The following ATP2B1 variants were observed in gnomAD, a reference collection of about 807,000 sequenced individuals.
ATP2B1 encodes the protein plasma membrane calcium-transporting ATPase 1.
ATP2B1 carries 14 observed loss-of-function variants against 124.2 expected under a neutral mutation model. The observed-to-expected ratio is 0.11, with a 90% CI of 0.07 to 0.18. The LOEUF is 0.18. Among genes scored for constraint, ATP2B1 ranks in the 10% least tolerant of loss-of-function variants. ATP2B1 has a pLI of 1.00. For missense variants in ATP2B1, 763 were observed against 1,466.1 expected (o/e 0.52, Z 7.83); for synonymous variants, 449 against 492.4 (o/e 0.91, Z 1.17).
At chr12:89,659,915 C>CAAAAAAAAAAA (rs1234238576) in intron 1 of ATP2B1, among the ~76,000 whole-genome samples, 2 of 42,446 alleles carry the variant, frequency 4.7e-5, no homozygotes, top group Admixed American at 2.4e-4. Context: ...AAGCGAGACT[C>CAAAAAAAAAAA]AAAAAAAAAA....
At chr12:89,653,283 C>CTT (rs149270069) in intron 2 of ATP2B1, among the ~76,000 whole-genome samples, 39 of 76,110 alleles carry the variant, frequency 5.1e-4, no homozygotes, top group African/African-American at 1.0e-3. Context: ...GAATTTTTTT[C>CTT]TTTTTTTTTT....
chr12:89,616,904 A>G lies in ATP2B1; in HGVS notation c.1965T>C (p.Phe655=). Residue 655 remains phenylalanine, a synonymous_variant, in exon 12 of 21, where the codon TTT becomes TTC. Transcript: ENST00000428670. The part of the protein sequence containing the change: ...LRTICLAFRD[F]PAGEPEPEWD... ...ACTCTGGTTCTGGTTCTCCTGCTGG[A>G]AAATCTCTGAATGCAAGACATATGG... 1 of 1,614,124 alleles carries G rather than the reference A, an allele frequency of 6.2e-7. No individual in the cohort carries two copies. The highest frequency in any genetic ancestry group is 1.1e-5 in the South Asian group (1 of 91,084).
chr12:89,633,640 C>A (rs1882248740), intron 5 of ATP2B1, among the ~76,000 whole-genome samples: 1 of 152,030 alleles, frequency 6.6e-6, no homozygotes, highest in East Asian at 1.9e-4. Context: ...CTTCTTTTGG[C>A]ATGCATTTAT....
chr12:89,640,888 C>G (rs1043521639), intron 3 of ATP2B1, among the ~76,000 whole-genome samples: 9 of 152,204 alleles, frequency 5.9e-5, no homozygotes, highest in Admixed American at 5.9e-4. Context: ...TCACCAGAAG[C>G]AGATGCTGGC....
chr12:89,703,730 C>T (rs554658111), intron 1 of ATP2B1, among the ~76,000 whole-genome samples: 1 of 152,134 alleles, frequency 6.6e-6, no homozygotes, highest in African/African-American at 2.4e-5. Context: ...ACTGGGCATA[C>T]ATAGATAACA....
At chr12:89,654,802 T>G (rs1304479577) in intron 2 of ATP2B1, among the ~76,000 whole-genome samples, 2 of 152,178 alleles carry the variant, frequency 1.3e-5, no homozygotes, top group Non-Finnish European at 2.9e-5. Context: ...AGAATTAGCT[T>G]TGGAATATAT....
intron 15 of ATP2B1, among the ~76,000 whole-genome samples, chr12:89,607,547 G>A (rs1463097941): frequency 1.3e-5 from 2 of 151,980 alleles, no homozygotes; most frequent in Non-Finnish European, 2.9e-5. Flanking sequence ...TTGGAGTCCC[G>A]CATTAATCCA....
intron 1 of ATP2B1, among the ~76,000 whole-genome samples, chr12:89,685,042 C>T (rs1448275847): frequency 2.0e-5 from 3 of 152,224 alleles, no homozygotes; most frequent in African/African-American, 7.2e-5. Flanking sequence ...CACCAGTCTA[C>T]CTAATTTGTA....
intron 20 of ATP2B1, chr12:89,594,227 C>T (rs1363227753): frequency 6.6e-6 from 1 of 151,998 alleles, no homozygotes; most frequent in Non-Finnish European, 1.5e-5. Flanking sequence ...TAAGAAAGCA[C>T]TCTTGATCTA....
rs10648843 is a variant in ATP2B1 at position 89,659,357 on chromosome 12, AACACAC to A, written c.-221-3256_-221-3251del. ...GTTGGTAGTCTTTGAGGTATTACAA[AACACAC>A]ACACACACACACACACACACGCACA... On this transcript the variant is annotated intron_variant, in intron 1 of 20. Transcript: ENST00000428670. 1.6e-4 allele frequency among the ~76,000 whole-genome samples: 24 copies of A among 149,338 alleles called. 2 individuals are homozygous for A. The South Asian group carries it at 4.1e-3, about 25-fold the overall frequency.
chr12:89,614,014 C>T (rs542655668), intron 12 of ATP2B1, among the ~76,000 whole-genome samples: 1 of 152,270 alleles, frequency 6.6e-6, no homozygotes, highest in East Asian at 1.9e-4. Flanking sequence ...TTTTGTGATA[C>T]TGAAAAACAA....
chr12:89,614,936 T>C (rs1001917083), intron 12 of ATP2B1, among the ~76,000 whole-genome samples: 4 of 152,120 alleles, frequency 2.6e-5, no homozygotes, highest in Non-Finnish European at 5.9e-5. Context: ...TCTACTCTTC[T>C]TCATCTCTAA....
At position 89,655,877 on chromosome 12, in the gene ATP2B1, T is replaced by A; in HGVS notation, c.10A>T (p.Met4Leu). The A allele has an allele frequency of 6.3e-7, 1 of 1,592,926 alleles. No homozygotes were observed. Among genetic ancestry groups the A allele is most frequent in the Non-Finnish European group, 8.6e-7 (1 of 1,167,136 alleles). Residue 4 changes from methionine (M) to leucine (L), a missense_variant, in exon 2 of 21, where the codon ATG becomes TTG. By Grantham distance (15) the Met-to-Leu change is conservative. Coordinates refer to ENST00000428670, the MANE Select transcript of ATP2B1 (RefSeq NM_001366521.1). ...CTGTAAGCAACTGAGTTGTTTGCCA[T>A]GTCGCCCATTACAAGTATAATATAT... MGD[M>L]ANNSVAYSGV...
rs1887875311 is a variant in ATP2B1 at position 89,670,846 on chromosome 12, G to A, written c.-221-14739C>T. 2.0e-5 allele frequency among the ~76,000 whole-genome samples: 3 copies of A among 150,442 alleles called. No homozygotes were observed. In the South Asian group the frequency reaches 6.3e-4, roughly 32 times the overall value. ...GTCTGATCTAAATGTAAAGAGAAAA[G>A]GAAAAATGATACACTATACAAAAGA... On this transcript the variant is annotated intron_variant, in intron 1 of 20. Coordinates refer to ENST00000428670, the MANE Select transcript of ATP2B1 (RefSeq NM_001366521.1).
intron 1 of ATP2B1, among the ~76,000 whole-genome samples, chr12:89,663,028 T>C (rs1049185467): frequency 6.6e-6 from 1 of 152,236 alleles, no homozygotes; most frequent in African/African-American, 2.4e-5. Context: ...CATGGGAGAA[T>C]CTGTGCCATT....
chr12:89,653,630 C>G (rs1452032808), intron 2 of ATP2B1, among the ~76,000 whole-genome samples: 1 of 152,164 alleles, frequency 6.6e-6, no homozygotes, highest in Non-Finnish European at 1.5e-5. Context: ...GTGGATATTT[C>G]TAGAGATTAT....
intron 2 of ATP2B1, 23 bp from the exon 3 acceptor site, chr12:89,642,378 AG>A: frequency 6.3e-7 from 1 of 1,582,384 alleles, no homozygotes; most frequent in Non-Finnish European, 8.6e-7. Flanking sequence ...AACAAATTTC[AG>A]TGAACAGTTT....
At position 89,637,880 on chromosome 12, in the gene ATP2B1, G is replaced by A. The variant is rs539932323; in HGVS notation, c.407-2629C>T. Among the ~76,000 whole-genome samples the A allele has an allele frequency of 2.4e-4, 36 of 152,036 alleles. No homozygotes were observed. The South Asian group carries it at 5.6e-3, about 24-fold the overall frequency. ...GAGGTTAAGGAGGGGAAAGAATTAC[G>A]GACAATTATACAATTTTCAGCTCTG... On this transcript the variant is annotated intron_variant, in intron 3 of 20. Coordinates refer to ENST00000428670, the MANE Select transcript of ATP2B1 (RefSeq NM_001366521.1).
chr12:89,707,435 T>C (rs1892599453), intron 1 of ATP2B1, among the ~76,000 whole-genome samples: 1 of 152,016 alleles, frequency 6.6e-6, no homozygotes. Context: ...AGTTCAGATA[T>C]ATGCATATAC....
Sources: gnomAD v4.1 joint callset for allele counts (sites outside exome capture counted in the v4.1 genomes callset) on GRCh38, gnomAD v4.1.1 for gene constraint, MANE v1.5 for transcripts, NCBI Gene and HGNC (gene_info 2026-07-23, HGNC 2026-07-21) for gene names.